Variants in ARHGEF28 observed in about 807,000 individuals in gnomAD.
The protein encoded by ARHGEF28 is 190 kDa guanine nucleotide exchange factor.
A neutral mutation model predicts 206.6 loss-of-function variants in ARHGEF28; 152 were observed. The observed-to-expected ratio is 0.74, with a 90% CI of 0.64 to 0.84. The LOEUF (loss-of-function observed/expected upper bound fraction) is 0.84, where lower values mean the gene tolerates loss of function less well. Ranked by LOEUF, ARHGEF28 falls within the 40% of genes least tolerant of loss-of-function variation. The pLI is 0.00. For missense variants in ARHGEF28, 2,028 were observed against 2,073.2 expected (o/e 0.98, Z 0.42); for synonymous variants, 763 against 776.4 (o/e 0.98, Z 0.29).
At chr5:73,779,606 G>A (rs925105584) in intron 6 of ARHGEF28, among the ~76,000 whole-genome samples, 1 of 152,156 alleles carries the variant, frequency 6.6e-6, no homozygotes, top group Non-Finnish European at 1.5e-5. Flanking sequence ...TGGGGCAGGT[G>A]GCTGGCTGTC....
chr5:73,775,334 A>T (rs556408143), intron 5 of ARHGEF28, among the ~76,000 whole-genome samples: 1 of 152,220 alleles, frequency 6.6e-6, no homozygotes, highest in Non-Finnish European at 1.5e-5. Flanking sequence ...TTCTGGTGAT[A>T]TGATGATAGA....
At chr5:73,818,848 T>C (rs557639615) in intron 9 of ARHGEF28, among the ~76,000 whole-genome samples, 10 of 152,338 alleles carry the variant, frequency 6.6e-5, no homozygotes, top group Non-Finnish European at 1.0e-4. Context: ...AGGGAGATAG[T>C]ATTATAATTT....
At chr5:73,836,182 A>G (rs890273714) in intron 10 of ARHGEF28, among the ~76,000 whole-genome samples, 1 of 151,924 alleles carries the variant, frequency 6.6e-6, no homozygotes, top group Admixed American at 6.6e-5. Flanking sequence ...GGATTGCTGG[A>G]TCATATGGTA....
intron 2 of ARHGEF28, among the ~76,000 whole-genome samples, chr5:73,688,952 C>T (rs1209848076): frequency 6.6e-6 from 1 of 152,194 alleles, no homozygotes; most frequent in Non-Finnish European, 1.5e-5. Context: ...TCACACCAGG[C>T]CAATAATGTT....
At chr5:73,754,396 A>C (rs1227786837) in intron 4 of ARHGEF28, among the ~76,000 whole-genome samples, 1 of 152,106 alleles carries the variant, frequency 6.6e-6, no homozygotes, top group African/African-American at 2.4e-5. Context: ...GCCATGCCTG[A>C]ATCCTGTGTG....
intron 1 of ARHGEF28, among the ~76,000 whole-genome samples, chr5:73,643,979 C>T (rs1051345183): frequency 1.3e-5 from 2 of 151,670 alleles, no homozygotes; most frequent in African/African-American, 4.9e-5. Context: ...CTGCTAGGAC[C>T]ACTCAGTATG....
chr5:73,665,982 A>G (rs1349507630), intron 1 of ARHGEF28, among the ~76,000 whole-genome samples: 2 of 152,202 alleles, frequency 1.3e-5, no homozygotes, highest in Admixed American at 1.3e-4. Context: ...AAACTGTCAT[A>G]TAAATCAGAA....
chr5:73,801,179 G>A (rs1439990992), intron 9 of ARHGEF28, among the ~76,000 whole-genome samples: 1 of 152,208 alleles, frequency 6.6e-6, no homozygotes, highest in Non-Finnish European at 1.5e-5. Context: ...GGGCGCGGGG[G>A]CTCACGCCTG....
chr5:73,674,631 C>T (rs751300414), intron 1 of ARHGEF28, among the ~76,000 whole-genome samples: 4 of 152,176 alleles, frequency 2.6e-5, no homozygotes, highest in Non-Finnish European at 5.9e-5. Context: ...TGGCTGGCAG[C>T]CCCTAGGTAG....
intron 13 of ARHGEF28, among the ~76,000 whole-genome samples, chr5:73,849,373 T>C (rs1758564096): frequency 6.6e-6 from 1 of 152,118 alleles, no homozygotes; most frequent in South Asian, 2.1e-4. Context: ...TTAGAATTGA[T>C]TCCAGTTATA....
At chr5:73,808,280 G>T (rs1023942071) in intron 9 of ARHGEF28, among the ~76,000 whole-genome samples, 26 of 152,118 alleles carry the variant, frequency 1.7e-4, no homozygotes, top group Non-Finnish European at 3.2e-4. Flanking sequence ...AGGAAAATCA[G>T]AATTCACACC....
intron 25 of ARHGEF28, 59 bp downstream of exon 25, chr5:73,886,163 G>A (rs1561486220): frequency 2.0e-6 from 3 of 1,523,302 alleles, no homozygotes; most frequent in Non-Finnish European, 2.6e-6. Context: ...TTTAACAGAG[G>A]ACAGATTTTC....
intron 2 of ARHGEF28, among the ~76,000 whole-genome samples, chr5:73,720,692 G>C (rs1430364970): frequency 6.6e-6 from 1 of 152,182 alleles, no homozygotes; most frequent in Non-Finnish European, 1.5e-5. Context: ...TCATGGGCTG[G>C]ATGGACCAGA....
chr5:73,890,973 G>A (rs1172447951), intron 26 of ARHGEF28, among the ~76,000 whole-genome samples: 2 of 152,248 alleles, frequency 1.3e-5, no homozygotes, highest in Non-Finnish European at 2.9e-5. Flanking sequence ...GAGGATCACA[G>A]TAGATGTTGG....
At chr5:73,879,117 T>C (rs1386761564) in intron 22 of ARHGEF28, among the ~76,000 whole-genome samples, 1 of 152,130 alleles carries the variant, frequency 6.6e-6, no homozygotes, top group Non-Finnish European at 1.5e-5. Context: ...GGAGGCTTTG[T>C]TCGTTTCTTT....
At chr5:73,753,708 A>G (rs1282881714) in intron 4 of ARHGEF28, among the ~76,000 whole-genome samples, 2 of 152,234 alleles carry the variant, frequency 1.3e-5, no homozygotes, top group Non-Finnish European at 2.9e-5. Flanking sequence ...TTGGAGTTCT[A>G]AAGACCAAAT....
intron 30 of ARHGEF28, 191 bp downstream of exon 30, chr5:73,898,284 G>A: frequency 3.3e-6 from 2 of 598,770 alleles, no homozygotes; most frequent in Non-Finnish European, 2.6e-6. Flanking sequence ...TGACACTGGG[G>A]TTTCAAGTAT....
At chr5:73,697,573 T>TC (rs941227844) in intron 2 of ARHGEF28, among the ~76,000 whole-genome samples, 1 of 152,116 alleles carries the variant, frequency 6.6e-6, no homozygotes, top group African/African-American at 2.4e-5. Flanking sequence ...AGCTCAGGTC[T>TC]CTCTCCCTCT....
Position 73,941,955 on chromosome 5 carries a change from T to C in ARHGEF28, c.*942T>C, listed in dbSNP as rs186768902. 5 of 152,348 alleles carry C rather than the reference T, an allele frequency of 3.3e-5. No individual in the cohort carries two copies. The highest frequency in any genetic ancestry group is 1.3e-4 in the Admixed American group (2 of 15,306). The allele number at this position is 152,348 out of a possible 1,614,324, so 9.4% of individuals were successfully genotyped here. A position where few individuals can be genotyped will look rare whatever the true frequency, so the allele number is the denominator to read the frequency against. Reference sequence around the variant, plus strand: ...TTTTCATCTTGTTCGGAAATACTTGTATGTATTTTGGTGTCAATAAATATC... The same window carrying C: ...TTTTCATCTTGTTCGGAAATACTTGCATGTATTTTGGTGTCAATAAATATC... On this transcript the variant is annotated 3_prime_UTR_variant, in exon 36 of 36. Coordinates refer to ENST00000513042, the MANE Select transcript of ARHGEF28 (RefSeq NM_001177693.2).
Sources: allele counts gnomAD v4.1 joint callset (sites outside exome capture counted in the v4.1 genomes callset), GRCh38; gene constraint gnomAD v4.1.1; transcripts MANE v1.5; gene names NCBI Gene and HGNC (gene_info 2026-07-23, HGNC 2026-07-21).